The following PDE11A variants were observed in gnomAD, a reference collection of about 807,000 sequenced individuals.
PDE11A encodes phosphodiesterase 11A.
PDE11A carries 100 observed loss-of-function variants against 100.5 expected under a neutral mutation model. The observed-to-expected ratio is 1.00, with a 90% CI of 0.85 to 1.18. The LOEUF is 1.18. PDE11A is among the 50% of genes most tolerant of loss of function. The probability of loss-of-function intolerance (pLI) is 0.00; values close to 1 mark genes in which losing one functional copy is unlikely to be tolerated. For synonymous variants in PDE11A, 381 were observed against 420.8 expected, an observed-to-expected ratio of 0.91 and a Z score of 1.16; for missense variants, 1,141 against 1,152.6, an observed-to-expected ratio of 0.99 and a Z score of 0.15.
At chr2:177,764,776 C>G (rs1042848026) in intron 10 of PDE11A, among the ~76,000 whole-genome samples, 1 of 152,154 alleles carries the variant, frequency 6.6e-6, no homozygotes, top group Non-Finnish European at 1.5e-5. Flanking sequence ...GGATTAAAAA[C>G]CATTTTTTAG....
intron 1 of PDE11A, among the ~76,000 whole-genome samples, chr2:178,057,146 T>C (rs2086909742): frequency 6.6e-6 from 1 of 152,188 alleles, no homozygotes. Flanking sequence ...GCATTAACTG[T>C]TGTGATCACT....
At chr2:178,034,054 C>T (rs1457749197) in intron 1 of PDE11A, among the ~76,000 whole-genome samples, 3 of 152,066 alleles carry the variant, frequency 2.0e-5, no homozygotes, top group African/African-American at 7.2e-5. Context: ...CAATATTAAC[C>T]TTAAATGTAA....
chr2:177,986,757 G>A (rs998196361), intron 2 of PDE11A, among the ~76,000 whole-genome samples: 1 of 151,790 alleles, frequency 6.6e-6, no homozygotes, highest in African/African-American at 2.4e-5. Flanking sequence ...CTTGAACACG[G>A]GAGGCAGAGG....
chr2:177,762,766 C>T (rs960404118), intron 10 of PDE11A, among the ~76,000 whole-genome samples: 1 of 152,156 alleles, frequency 6.6e-6, no homozygotes, highest in African/African-American at 2.4e-5. Context: ...GGGAGAGTGT[C>T]CTCGCTTTGT....
chr2:178,096,467 C>T (rs2087493308), intron 2 of PDE11A, among the ~76,000 whole-genome samples: 2 of 152,004 alleles, frequency 1.3e-5, no homozygotes, highest in African/African-American at 2.4e-5. Context: ...GCCACTGCGC[C>T]TGGCCCACGT....
chr2:177,715,568 T>C (rs1468257227), intron 12 of PDE11A, among the ~76,000 whole-genome samples: 2 of 152,078 alleles, frequency 1.3e-5, no homozygotes, highest in African/African-American at 4.8e-5. Flanking sequence ...GTACTGATTT[T>C]CTTATCTCCT....
intron 2 of PDE11A, among the ~76,000 whole-genome samples, chr2:177,910,926 A>C (rs2084871488): frequency 6.6e-6 from 1 of 152,196 alleles, no homozygotes; most frequent in Non-Finnish European, 1.5e-5. Context: ...ACACTGGAGA[A>C]TCTTAGTGAA....
At chr2:177,723,007 A>G (rs1210466012) in intron 12 of PDE11A, 2 of 152,124 alleles carry the variant, frequency 1.3e-5, no homozygotes, top group East Asian at 3.9e-4. Flanking sequence ...AAGGAATTTG[A>G]TTTCTGTTGA....
intron 5 of PDE11A, among the ~76,000 whole-genome samples, chr2:177,849,287 A>T (rs1049983117): frequency 4.6e-5 from 7 of 152,332 alleles, no homozygotes; most frequent in African/African-American, 1.7e-4. Context: ...CTGAATTGTG[A>T]TAAATGGCCT....
At chr2:178,093,776 C>A (rs2087452238) in intron 2 of PDE11A, among the ~76,000 whole-genome samples, 1 of 152,186 alleles carries the variant, frequency 6.6e-6, no homozygotes, top group Non-Finnish European at 1.5e-5. Flanking sequence ...TGAAAGTCTT[C>A]TTAAATTCAG....
At chr2:177,961,792 A>G (rs887937606) in intron 2 of PDE11A, among the ~76,000 whole-genome samples, 40 of 152,090 alleles carry the variant, frequency 2.6e-4, no homozygotes, top group African/African-American at 8.9e-4. Context: ...ATGTTTGTCT[A>G]TGTAGGCCGG....
At chr2:177,954,050 A>G (rs1024089675) in intron 2 of PDE11A, among the ~76,000 whole-genome samples, 1 of 151,746 alleles carries the variant, frequency 6.6e-6, no homozygotes, top group Non-Finnish European at 1.5e-5. Context: ...TGAAAGGCAT[A>G]CTAGTGACTG....
chr2:177,873,925 C>T (rs2084187643), intron 5 of PDE11A, among the ~76,000 whole-genome samples: 1 of 152,016 alleles, frequency 6.6e-6, no homozygotes, highest in African/African-American at 2.4e-5. Context: ...GGTAATTACC[C>T]AGAGGGCCTT....
At chr2:177,766,974 C>T (rs1172020319) in intron 10 of PDE11A, among the ~76,000 whole-genome samples, 3 of 152,128 alleles carry the variant, frequency 2.0e-5, no homozygotes, top group African/African-American at 7.2e-5. Context: ...GAAATGCATA[C>T]CAAATTCCAG....
chr2:177,661,816 C>T (rs1057129180), intron 19 of PDE11A, among the ~76,000 whole-genome samples: 1 of 152,062 alleles, frequency 6.6e-6, no homozygotes, highest in African/African-American at 2.4e-5. Context: ...CACATCTCTC[C>T]CCAGTTAGTT....
chr2:177,680,406 T>C (rs1194580685), intron 16 of PDE11A, among the ~76,000 whole-genome samples: 3 of 152,090 alleles, frequency 2.0e-5, no homozygotes, highest in Admixed American at 6.5e-5. Context: ...CCACCTCCAA[T>C]ATTGTTCTGA....
chr2:178,014,165 T>C (rs904341163), intron 2 of PDE11A, 137 bp downstream of exon 2: 22 of 670,784 alleles, frequency 3.3e-5, no homozygotes, highest in African/African-American at 2.9e-4. Flanking sequence ...TTTCATTTTG[T>C]ATACCATGAG....
chr2:178,071,533 G>T lies in PDE11A; in HGVS notation c.905C>A (p.Ala302Asp), dbSNP rs2087129606. 6.2e-7 allele frequency: 1 copy of T among 1,611,954 alleles called. No individual in the cohort carries two copies. Among genetic ancestry groups the T allele is most frequent in the Non-Finnish European group, 8.5e-7 (1 of 1,178,134 alleles). ...GACAATGCAAAGTCCTACCTGGTAG[G>T]CATCAGGAATGTTGACCGTTTCTCC... ...EHGETVNIPD[A>D]YQDRRFNDEI... The change falls in exon 1 of 20, where the codon GCC becomes GAC. Residue 302 changes from alanine to aspartate, a missense_variant. Coordinates refer to ENST00000286063, the MANE Select transcript of PDE11A (RefSeq NM_016953.4).
At chr2:177,718,862 G>T (rs2081483234) in intron 12 of PDE11A, among the ~76,000 whole-genome samples, 2 of 152,164 alleles carry the variant, frequency 1.3e-5, no homozygotes, top group Non-Finnish European at 1.5e-5. Context: ...AGCTTGAAAT[G>T]AAATAGTGAT....
Sources: allele counts gnomAD v4.1 joint callset (sites outside exome capture counted in the v4.1 genomes callset), GRCh38; gene constraint gnomAD v4.1.1; transcripts MANE v1.5; gene names NCBI Gene and HGNC (gene_info 2026-07-23, HGNC 2026-07-21).